Variants in TXNDC17 observed in about 807,000 individuals in gnomAD.
TXNDC17 encodes thioredoxin domain-containing protein 17.
Under a neutral mutation model 16.3 loss-of-function variants are expected in TXNDC17, and 12 were observed. That is an observed-to-expected ratio of 0.74 (90% confidence interval 0.47 to 1.19). The LOEUF is 1.19. Ranked by LOEUF, TXNDC17 falls within the 50% of genes most tolerant of loss-of-function variation. TXNDC17 has a pLI of 0.00. For synonymous variants in TXNDC17, 62 were observed against 55.0 expected (o/e 1.13, Z -0.56); for missense variants, 158 against 149.7 (o/e 1.06, Z -0.29).
At position 6,642,755 on chromosome 17, in the gene TXNDC17, C is replaced by T. The variant is rs1047523555; in HGVS notation, c.304-196C>T. 8 of 573,514 alleles carry T rather than the reference C, an allele frequency of 1.4e-5. No individual in the cohort carries two copies. In the East Asian group the frequency reaches 2.4e-4, roughly 17 times the overall value. 35.5% of individuals were successfully genotyped at this position (573,514 alleles called of 1,614,324 possible). ...TTCCTGGTATTTGGGGTTTAAGTCT[C>T]TTGAGCCAAGTATGTTAGTGATTCA... On this transcript the variant is annotated intron_variant, in intron 3 of 3. Transcript: ENST00000250101.
chr17:6,642,412 A>G, intron 3 of TXNDC17, 88 bp downstream of exon 3: 3 of 916,414 alleles, frequency 3.3e-6, no homozygotes, highest in Admixed American at 2.6e-5. Context: ...AGATCTTGAC[A>G]TTTCATCTCA....
At chr17:6,642,176 CTA>C in intron 2 of TXNDC17, 71 bp from the exon 3 acceptor site, 2 of 1,062,408 alleles carry the variant, frequency 1.9e-6, no homozygotes, top group Admixed American at 4.1e-5. Flanking sequence ...AAATGTAGGA[CTA>C]TGTCAAATAT....
In TXNDC17 at chr17:6,644,366, T is replaced by A. The variant is rs574494868; in HGVS notation, c.*1347T>A. On this transcript the variant is annotated 3_prime_UTR_variant, in exon 4 of 4. Transcript: ENST00000250101. Reference sequence around the variant, plus strand: ...ACACTAAAGGTTCTAGGGGCTACCATAATAAAGGTAGATAGGAAGAGTTTT... The same window carrying A: ...ACACTAAAGGTTCTAGGGGCTACCAAAATAAAGGTAGATAGGAAGAGTTTT... 1.1e-4 allele frequency: 152 copies of A among 1,381,904 alleles called. 2 individuals are homozygous for A. In the South Asian group the frequency reaches 1.6e-3, roughly 14 times the overall value. The allele number at this position is 1,381,904 out of a possible 1,614,324, so 85.6% of individuals were successfully genotyped here. A position where few individuals can be genotyped will look rare whatever the true frequency, so the allele number is the denominator to read the frequency against.
In TXNDC17 at chr17:6,641,238, G is replaced by C. The variant is rs1034579247; in HGVS notation, c.145+11G>C. ...CCGACTGCGTGCAGGGTGAGGCCGG[G>C]ATTCGGGGGCTGCTGTCCAATGGAA... On this transcript the variant is annotated intron_variant, in intron 1 of 3. Coordinates refer to ENST00000250101, the MANE Select transcript of TXNDC17 (RefSeq NM_032731.4). The C allele has an allele frequency of 4.3e-6, 7 of 1,613,118 alleles. No individual in the cohort carries two copies. The highest frequency in any genetic ancestry group is 5.9e-6 in the Non-Finnish European group (7 of 1,179,868).
intron 1 of TXNDC17, 68 bp from the exon 2 acceptor site, chr17:6,641,685 G>T: frequency 1.3e-6 from 2 of 1,484,482 alleles, no homozygotes; most frequent in South Asian, 1.2e-5. Flanking sequence ...AAGGGGGAAA[G>T]AACACAGTTT....
In TXNDC17 at chr17:6,643,420, C is replaced by T. The variant is rs1328040752; in HGVS notation, c.*401C>T. On this transcript the variant is annotated 3_prime_UTR_variant, in exon 4 of 4. Transcript: ENST00000250101. ...TTTGGAATGTAGAACCTAACCTCAC[C>T]ACTGAAGGAAAGCACATGACCTCTA... 1 of 162,136 alleles carries T rather than the reference C, an allele frequency of 6.2e-6. No homozygotes were observed. The highest frequency in any genetic ancestry group is 2.4e-5 in the African/African-American group (1 of 41,618). 10.0% of individuals were successfully genotyped at this position (162,136 alleles called of 1,614,324 possible).
Position 6,641,173 on chromosome 17 carries a change from T to G in TXNDC17, c.91T>G (p.Phe31Val), listed in dbSNP as rs1167575491. The G allele has an allele frequency of 6.2e-7, 1 of 1,613,752 alleles. No individual in the cohort carries two copies. ...QHNGKTIFAY[F>V]TGSKDAGGKS... The stretch of plus-strand genomic sequence containing the variant: ...CAATGGCAAGACCATTTTCGCCTAC[T>G]TTACGGGTTCTAAGGACGCCGGGGG... The change falls in exon 1 of 4, where the codon TTT becomes GTT. Residue 31 changes from phenylalanine (F) to valine (V), a missense_variant. Physicochemically the swap from Phe to Val is conservative, Grantham distance 50 (BLOSUM62 -1). Transcript: ENST00000250101.
At chr17:6,641,721 G>A (rs1472345374) in intron 1 of TXNDC17, 32 bp from the exon 2 acceptor site, 2 of 1,602,890 alleles carry the variant, frequency 1.2e-6, no homozygotes, top group Non-Finnish European at 8.5e-7. Context: ...TAGAGTTGAC[G>A]TGCGATTATT....
chr17:6,643,049 T>A lies in TXNDC17; in HGVS notation c.*30T>A. On this transcript the variant is annotated 3_prime_UTR_variant, in exon 4 of 4. Coordinates refer to ENST00000250101, the MANE Select transcript of TXNDC17 (RefSeq NM_032731.4). ...TTAGGATGGCAATCATGTCTTGATGTCCTGATTTGTTCTAGTATCAATAAA... is the reference window on the plus strand; with the variant it reads ...TTAGGATGGCAATCATGTCTTGATGACCTGATTTGTTCTAGTATCAATAAA... 1.3e-6 allele frequency: 2 copies of A among 1,576,986 alleles called. No individual in the cohort carries two copies. Among genetic ancestry groups the A allele is most frequent in the East Asian group, 2.2e-5 (1 of 44,684 alleles).
chr17:6,642,343 G>C lies in TXNDC17; in HGVS notation c.303+19G>C, dbSNP rs369340063. The C allele has an allele frequency of 8.0e-5, 121 of 1,518,510 alleles. 1 individual carries two copies. The highest frequency in any genetic ancestry group is 1.5e-4 in the Admixed American group (8 of 53,068). The allele number at this position is 1,518,510 out of a possible 1,614,324, so 94.1% of individuals were successfully genotyped here. A position where few individuals can be genotyped will look rare whatever the true frequency, so the allele number is the denominator to read the frequency against. On this transcript the variant is annotated intron_variant, in intron 3 of 3. Transcript: ENST00000250101. ...TGGAACAGTAAGTATCTTTAAATATGCTGGGCCTGTAATTCACTGTCAGAA... is the reference window on the plus strand; with the variant it reads ...TGGAACAGTAAGTATCTTTAAATATCCTGGGCCTGTAATTCACTGTCAGAA...
In TXNDC17 at chr17:6,644,212, A is replaced by G. The variant is rs1972734813; in HGVS notation, c.*1193A>G. On this transcript the variant is annotated 3_prime_UTR_variant, in exon 4 of 4. Coordinates refer to ENST00000250101, the MANE Select transcript of TXNDC17 (RefSeq NM_032731.4). ...TTGGTCTAAAGCACCTAACTTTTCC[A>G]TTCTTAATCAGCTGATTATGCTAAA... 1.0e-5 allele frequency: 5 copies of G among 489,476 alleles called. No homozygotes were observed. The Admixed American group carries it at 1.5e-4, about 15-fold the overall frequency. 30.3% of individuals were successfully genotyped at this position (489,476 alleles called of 1,614,324 possible).
chr17:6,641,668 CTG>C (rs1972671931), intron 1 of TXNDC17, 83 bp from the exon 2 acceptor site: 4 of 1,333,996 alleles, frequency 3.0e-6, no homozygotes, highest in Admixed American at 3.6e-5. Flanking sequence ...CTTACCAAGA[CTG>C]GGGGAAGGGG....
rs913013964 is a variant in TXNDC17 at position 6,642,506 on chromosome 17, A to T, written c.303+182A>T. The T allele has an allele frequency of 3.8e-5, 20 of 525,192 alleles. No homozygotes were observed. The Admixed American group carries it at 5.6e-4, about 15-fold the overall frequency. 32.5% of individuals were successfully genotyped at this position (525,192 alleles called of 1,614,324 possible). A position where few individuals can be genotyped will look rare whatever the true frequency, so the allele number is the denominator to read the frequency against. On this transcript the variant is annotated intron_variant, in intron 3 of 3. Transcript: ENST00000250101. Reference sequence around the variant, plus strand: ...CTGATAATGTAAATATCTAGCTATTAGGTCTTTTTCATGTTAAGTCACTCT... The same window carrying T: ...CTGATAATGTAAATATCTAGCTATTTGGTCTTTTTCATGTTAAGTCACTCT...
chr17:6,642,999 ATGT>A lies in TXNDC17; in HGVS notation c.357_359del (p.Leu119del), dbSNP rs779584858. Reference sequence around the variant, plus strand: ...GTGTCTTCAGGCCAACCTGGTGGAAATGTTGTTCTCTGAAGATTAAGATTTTAG... The same window carrying A: ...GTGTCTTCAGGCCAACCTGGTGGAAATGTTCTCTGAAGATTAAGATTTTAG... On this transcript the variant is annotated inframe_deletion, in exon 4 of 4. Coordinates refer to ENST00000250101, the MANE Select transcript of TXNDC17 (RefSeq NM_032731.4). The A allele has an allele frequency of 2.9e-5, 47 of 1,613,960 alleles. No individual in the cohort carries two copies. Among genetic ancestry groups the A allele is most frequent in the Admixed American group, 3.3e-5 (2 of 60,024 alleles).
chr17:6,643,869 C>G lies in TXNDC17; in HGVS notation c.*850C>G, dbSNP rs1453697633. 8.1e-6 allele frequency: 3 copies of G among 372,496 alleles called. No individual in the cohort carries two copies. Among genetic ancestry groups the G allele is most frequent in the Non-Finnish European group, 9.5e-6 (2 of 209,950 alleles). 23.1% of individuals were successfully genotyped at this position (372,496 alleles called of 1,614,324 possible). ...GTCAAGAGTCCAGTTAGTAACTAAC[C>G]ACTAGTTGTCCTGCCATGACTAGGT... On this transcript the variant is annotated 3_prime_UTR_variant, in exon 4 of 4. Transcript: ENST00000250101.
intron 3 of TXNDC17, chr17:6,642,617 A>G (rs1486558117): frequency 1.1e-5 from 5 of 434,996 alleles, no homozygotes; most frequent in African/African-American, 2.0e-5. Context: ...AATTCTGGTT[A>G]AAAAGTAAGG....
Position 6,643,578 on chromosome 17 carries a change from C to G in TXNDC17, c.*559C>G, listed in dbSNP as rs768912228. 6.5e-6 allele frequency: 1 copy of G among 152,912 alleles called. No individual in the cohort carries two copies. Among genetic ancestry groups the G allele is most frequent in the Non-Finnish European group, 1.5e-5 (1 of 68,596 alleles). The allele number at this position is 152,912 out of a possible 1,614,324, so 9.5% of individuals were successfully genotyped here. A position where few individuals can be genotyped will look rare whatever the true frequency, so the allele number is the denominator to read the frequency against. On this transcript the variant is annotated 3_prime_UTR_variant, in exon 4 of 4. Transcript: ENST00000250101. ...GATGAGGCAGGTGGCGGAGAGCGGCCGGAAAGACTCTATAACCCAGTTCTG... is the reference window on the plus strand; with the variant it reads ...GATGAGGCAGGTGGCGGAGAGCGGCGGGAAAGACTCTATAACCCAGTTCTG...
rs1972716420 is a variant in TXNDC17 at position 6,643,076 on chromosome 17, T to G, written c.*57T>G. On this transcript the variant is annotated 3_prime_UTR_variant, in exon 4 of 4. Coordinates refer to ENST00000250101, the MANE Select transcript of TXNDC17 (RefSeq NM_032731.4). ...CTGATTTGTTCTAGTATCAATAAAC[T>G]GTATACTTGCTTTGAATTCATGTTA... is the stretch of plus-strand genomic sequence containing the variant. 3.5e-6 allele frequency: 5 copies of G among 1,434,418 alleles called. No homozygotes were observed. The South Asian group carries it at 5.8e-5, about 17-fold the overall frequency. The allele number at this position is 1,434,418 out of a possible 1,614,324, so 88.9% of individuals were successfully genotyped here.
intron 1 of TXNDC17, 170 bp from the exon 2 acceptor site, chr17:6,641,583 C>T: frequency 1.4e-6 from 1 of 708,472 alleles, no homozygotes; most frequent in South Asian, 1.8e-5. Context: ...TTACCCTTAA[C>T]GTGGCTCTAA....
Sources: gnomAD v4.1 joint callset for allele counts on GRCh38, gnomAD v4.1.1 for gene constraint, MANE v1.5 for transcripts, NCBI Gene and HGNC (gene_info 2026-07-23, HGNC 2026-07-21) for gene names.